The following ARHGAP10 variants were observed in gnomAD, a reference collection of about 807,000 sequenced individuals.
The protein encoded by ARHGAP10 is rho GTPase-activating protein 10.
Under a neutral mutation model 108.6 loss-of-function variants are expected in ARHGAP10, and 87 were observed. That is an observed-to-expected ratio of 0.80 (90% confidence interval 0.67 to 0.96). ARHGAP10 has a LOEUF of 0.96. ARHGAP10 is among the 40% of genes least tolerant of loss of function. ARHGAP10 has a pLI of 0.00. For missense variants in ARHGAP10, 939 were observed against 954.5 expected (o/e 0.98, Z 0.21); for synonymous variants, 347 against 341.1 (o/e 1.02, Z -0.19).
At chr4:147,783,900 TTTATATAACACACATTA>T (rs1730682661) in intron 1 of ARHGAP10, among the ~76,000 whole-genome samples, 1 of 114,200 alleles carries the variant, frequency 8.8e-6, no homozygotes, top group Non-Finnish European at 1.7e-5. Context: ...GTGTATTATA[TTTATATAACACACATTA>T]AATTGTGTAT....
chr4:147,975,584 G>A (rs1739562681), intron 18 of ARHGAP10, among the ~76,000 whole-genome samples: 1 of 152,188 alleles, frequency 6.6e-6, no homozygotes, highest in Non-Finnish European at 1.5e-5. Context: ...GAGAACATGT[G>A]AAAAAGGAGT....
At chr4:148,055,394 G>T (rs768946775) in intron 20 of ARHGAP10, among the ~76,000 whole-genome samples, 2 of 152,162 alleles carry the variant, frequency 1.3e-5, no homozygotes, top group Non-Finnish European at 2.9e-5. Flanking sequence ...TCCTGCAAAA[G>T]ATATTTGTTC....
intron 18 of ARHGAP10, among the ~76,000 whole-genome samples, chr4:147,972,033 A>C (rs1361756619): frequency 6.6e-6 from 1 of 152,110 alleles, no homozygotes; most frequent in Non-Finnish European, 1.5e-5. Context: ...CACTAATAAA[A>C]GGAAGGAACA....
intron 4 of ARHGAP10, chr4:147,854,980 T>G: frequency 5.1e-6 from 3 of 582,560 alleles, no homozygotes; most frequent in Non-Finnish European, 6.5e-6. Flanking sequence ...TGCTGGGTGT[T>G]TTGACCGCTG....
At position 147,894,266 on chromosome 4, in the gene ARHGAP10, C is replaced by G. The variant is rs564126933; in HGVS notation, c.1034+12334C>G. On this transcript the variant is annotated intron_variant, in intron 10 of 22. Coordinates refer to ENST00000336498, the MANE Select transcript of ARHGAP10 (RefSeq NM_024605.4). ...TCTATTTGCTCCACTTCCTTACTAA[C>G]CTTTGGTTATGTTACTCTTTTTCAT... Among the ~76,000 whole-genome samples, 18 of 152,208 alleles carry G rather than the reference C, an allele frequency of 1.2e-4. 1 individual carries two copies. The highest frequency in any genetic ancestry group is 4.3e-4 in the African/African-American group (18 of 41,540).
At chr4:147,809,177 C>G (rs1277051749) in intron 1 of ARHGAP10, 1 of 152,294 alleles carries the variant, frequency 6.6e-6, no homozygotes, top group Non-Finnish European at 1.5e-5. Flanking sequence ...CCACAGCACT[C>G]CAGCCTGGGC....
intron 1 of ARHGAP10, among the ~76,000 whole-genome samples, chr4:147,802,590 G>T (rs1002824231): frequency 6.6e-6 from 1 of 152,230 alleles, no homozygotes; most frequent in African/African-American, 2.4e-5. Flanking sequence ...GTGTCTCGTA[G>T]TTACTTGTAA....
intron 13 of ARHGAP10, among the ~76,000 whole-genome samples, chr4:147,923,082 TCAA>T (rs760424688): frequency 6.6e-6 from 1 of 152,256 alleles, no homozygotes; most frequent in Non-Finnish European, 1.5e-5. Flanking sequence ...ATTGTGTGTC[TCAA>T]CAATTTCTAA....
At chr4:147,886,087 C>T (rs958454324) in intron 10 of ARHGAP10, among the ~76,000 whole-genome samples, 1 of 152,142 alleles carries the variant, frequency 6.6e-6, no homozygotes, top group African/African-American at 2.4e-5. Flanking sequence ...GTATATGAAA[C>T]GTACATGAAT....
chr4:147,906,861 A>G (rs1385166411), intron 11 of ARHGAP10, 142 bp downstream of exon 11: 6 of 946,604 alleles, frequency 6.3e-6, no homozygotes, highest in African/African-American at 1.6e-5. Context: ...AGCATTCAAC[A>G]TTCTAGTAAT....
chr4:147,947,492 T>C (rs1204120034), intron 15 of ARHGAP10, among the ~76,000 whole-genome samples: 1 of 152,022 alleles, frequency 6.6e-6, no homozygotes, highest in Non-Finnish European at 1.5e-5. Flanking sequence ...AACCTCTGCC[T>C]CCCAGGTTCA....
Position 147,737,088 on chromosome 4 carries a change from A to G in ARHGAP10, c.154+4633A>G, listed in dbSNP as rs141094025. ...AATGTCTTGTTAAATGACATAAGAC[A>G]GTTTTGAGTTGGGTTTTCTGCTACT... is the stretch of plus-strand genomic sequence containing the variant. On this transcript the variant is annotated intron_variant, in intron 1 of 22. Transcript: ENST00000336498. Among the ~76,000 whole-genome samples, 49 of 152,216 alleles carry G rather than the reference A, an allele frequency of 3.2e-4. No individual in the cohort carries two copies. The East Asian group carries it at 7.9e-3, about 25-fold the overall frequency.
At chr4:148,054,671 G>T (rs1475174610) in intron 20 of ARHGAP10, among the ~76,000 whole-genome samples, 1 of 152,202 alleles carries the variant, frequency 6.6e-6, no homozygotes, top group Non-Finnish European at 1.5e-5. Context: ...TTCTCTCCTA[G>T]CCTCTTGCTT....
chr4:148,037,731 A>T (rs1728442577), intron 19 of ARHGAP10, among the ~76,000 whole-genome samples: 1 of 151,830 alleles, frequency 6.6e-6, no homozygotes, highest in African/African-American at 2.4e-5. Context: ...GCTACTTGGG[A>T]TGCTGAGGTA....
At chr4:147,969,048 G>A (rs1739305740) in intron 18 of ARHGAP10, among the ~76,000 whole-genome samples, 1 of 152,202 alleles carries the variant, frequency 6.6e-6, no homozygotes, top group Non-Finnish European at 1.5e-5. Flanking sequence ...CATATTAGGT[G>A]TTAATACTTA....
chr4:147,757,917 A>AC (rs1351952524), intron 1 of ARHGAP10, among the ~76,000 whole-genome samples: 1 of 152,046 alleles, frequency 6.6e-6, no homozygotes, highest in African/African-American at 2.4e-5. Context: ...CTGCTACCTC[A>AC]CCAGGGCCAG....
intron 22 of ARHGAP10, among the ~76,000 whole-genome samples, chr4:148,068,150 G>T (rs951763612): frequency 6.6e-6 from 1 of 152,174 alleles, no homozygotes; most frequent in African/African-American, 2.4e-5. Context: ...AGTCAGGTGC[G>T]CTCCAGTTAG....
chr4:147,977,293 G>A (rs772531724), intron 18 of ARHGAP10, among the ~76,000 whole-genome samples: 1 of 152,206 alleles, frequency 6.6e-6, no homozygotes, highest in Non-Finnish European at 1.5e-5. Flanking sequence ...GAGTGTGGTG[G>A]CGTATGTGTA....
At chr4:148,046,820 C>A (rs1398927562) in intron 19 of ARHGAP10, 72 bp from the exon 20 acceptor site, 11 of 1,434,732 alleles carry the variant, frequency 7.7e-6, no homozygotes, top group African/African-American at 2.8e-5. Flanking sequence ...TCAAGTAACA[C>A]CATATAATTA....
Sources: gnomAD v4.1 joint callset for allele counts (sites outside exome capture counted in the v4.1 genomes callset) on GRCh38, gnomAD v4.1.1 for gene constraint, MANE v1.5 for transcripts, NCBI Gene and HGNC (gene_info 2026-07-23, HGNC 2026-07-21) for gene names.